The following PLCE1 variants were observed in gnomAD, a reference collection of about 807,000 sequenced individuals.
The protein encoded by PLCE1 is phospholipase C epsilon 1.
In PLCE1, 119 loss-of-function variants were observed where a neutral mutation model predicts 242.8. That is an observed-to-expected ratio of 0.49 (90% confidence interval 0.42 to 0.57). The LOEUF is 0.57. Ranked by LOEUF, PLCE1 falls within the 20% of genes least tolerant of loss-of-function variation. The probability of loss-of-function intolerance (pLI) is 0.00; values close to 1 mark genes in which losing one functional copy is unlikely to be tolerated. For missense variants in PLCE1, 2,441 were observed against 2,788.8 expected (o/e 0.88, Z 2.81); for synonymous variants, 945 against 1,017.4 (o/e 0.93, Z 1.35).
chr10:94,028,468 C>G (rs1041665529), intron 1 of PLCE1, among the ~76,000 whole-genome samples: 3 of 152,104 alleles, frequency 2.0e-5, no homozygotes, highest in Non-Finnish European at 4.4e-5. Context: ...GACTGATTCT[C>G]AGCAGTCATG....
intron 22 of PLCE1, among the ~76,000 whole-genome samples, chr10:94,286,020 G>A (rs1177375952): frequency 2.6e-5 from 4 of 152,142 alleles, no homozygotes; most frequent in Non-Finnish European, 5.9e-5. Context: ...ACTCAATTAT[G>A]TGTCCCACAA....
chr10:94,051,865 A>C (rs2043775029), intron 2 of PLCE1, among the ~76,000 whole-genome samples: 1 of 152,230 alleles, frequency 6.6e-6, no homozygotes, highest in Non-Finnish European at 1.5e-5. Flanking sequence ...TAAACTTAAA[A>C]TTATAAAAGT....
At chr10:94,113,911 G>A (rs903277162) in intron 2 of PLCE1, among the ~76,000 whole-genome samples, 21 of 152,132 alleles carry the variant, frequency 1.4e-4, no homozygotes, top group African/African-American at 5.1e-4. Flanking sequence ...CAGCAGATGG[G>A]CATCGTTGAA....
chr10:94,050,045 C>A (rs1018800934), intron 2 of PLCE1, among the ~76,000 whole-genome samples: 4 of 152,184 alleles, frequency 2.6e-5, no homozygotes, highest in Non-Finnish European at 5.9e-5. Flanking sequence ...CCGTTTGGGG[C>A]TTCTATGAAT....
At chr10:94,063,919 C>T (rs2044129578) in intron 2 of PLCE1, among the ~76,000 whole-genome samples, 1 of 151,842 alleles carries the variant, frequency 6.6e-6, no homozygotes, top group Non-Finnish European at 1.5e-5. Context: ...GCATGTTGCA[C>T]GTACAAAGGC....
At position 94,270,477 on chromosome 10, in the gene PLCE1, C is replaced by T. The variant is rs763087177; in HGVS notation, c.4390-9C>T. On this transcript the variant is annotated splice_polypyrimidine_tract_variant and intron_variant, in intron 17 of 32. Transcript: ENST00000371380. ...TCTGGACTCTAATGAGCTGTTTTGG[C>T]TCTCATAGGAAGTGGTTGAAGCCAT... The T allele has an allele frequency of 1.3e-6, 2 of 1,584,270 alleles. No homozygotes were observed. The highest frequency in any genetic ancestry group is 1.7e-6 in the Non-Finnish European group (2 of 1,153,086).
chr10:94,126,114 A>G (rs1299515706), intron 2 of PLCE1, among the ~76,000 whole-genome samples: 5 of 152,192 alleles, frequency 3.3e-5, no homozygotes, highest in African/African-American at 9.7e-5. Context: ...TGCCTTTTAA[A>G]GTGTTTATGC....
At chr10:94,246,725 ACCTGTG>A in intron 8 of PLCE1, 104 bp downstream of exon 8, 1 of 1,028,114 alleles carries the variant, frequency 9.7e-7, no homozygotes. Context: ...GACAGTTACT[ACCTGTG>A]GTGACCTTGG....
intron 2 of PLCE1, among the ~76,000 whole-genome samples, chr10:94,097,513 C>G (rs561510121): frequency 6.6e-6 from 1 of 152,150 alleles, no homozygotes; most frequent in African/African-American, 2.4e-5. Flanking sequence ...AGCCTCCTTC[C>G]CTTTGAGCTT....
At chr10:94,121,883 C>A (rs866615348) in intron 2 of PLCE1, among the ~76,000 whole-genome samples, 2 of 152,150 alleles carry the variant, frequency 1.3e-5, no homozygotes, top group Non-Finnish European at 2.9e-5. Context: ...GGTCCAGAAG[C>A]AATGACCAAG....
intron 4 of PLCE1, among the ~76,000 whole-genome samples, chr10:94,177,725 C>T (rs960102249): frequency 6.6e-6 from 1 of 152,226 alleles, no homozygotes; most frequent in Non-Finnish European, 1.5e-5. Context: ...TATGACCTTA[C>T]TTTTAAAAAA....
At position 94,199,029 on chromosome 10, in the gene PLCE1, G is replaced by A. The variant is rs1353872295; in HGVS notation, c.1809+27533G>A. 3.3e-5 allele frequency among the ~76,000 whole-genome samples: 5 copies of A among 152,208 alleles called. No individual in the cohort carries two copies. The South Asian group carries it at 6.2e-4, about 19-fold the overall frequency. ...GTCACACCACTACACTCCAGCCTGG[G>A]TGACAGTGAGACCCTGTCTCAAAAA... On this transcript the variant is annotated intron_variant, in intron 4 of 32. Transcript: ENST00000371380.
At chr10:94,129,538 G>T (rs1322117666) in intron 2 of PLCE1, among the ~76,000 whole-genome samples, 1 of 152,094 alleles carries the variant, frequency 6.6e-6, no homozygotes, top group African/African-American at 2.4e-5. Context: ...GGAAAAGCTG[G>T]ATAAGAGACT....
intron 17 of PLCE1, 91 bp downstream of exon 17, chr10:94,269,127 G>C (rs577791850): frequency 1.2e-5 from 8 of 644,374 alleles, no homozygotes; most frequent in Admixed American, 4.9e-5. Context: ...TTTGAGACGG[G>C]TTCTCGCTCT....
At chr10:94,220,381 T>TTC (rs1246949296) in intron 4 of PLCE1, among the ~76,000 whole-genome samples, 19 of 34,846 alleles carry the variant, frequency 5.5e-4, no homozygotes, top group African/African-American at 1.8e-3. Flanking sequence ...ACATTTTATA[T>TTC]ATATATATAT....
intron 3 of PLCE1, among the ~76,000 whole-genome samples, chr10:94,162,946 T>G (rs529271676): frequency 6.6e-6 from 1 of 152,342 alleles, no homozygotes; most frequent in South Asian, 2.1e-4. Context: ...GTTGTTCAGT[T>G]TCCATGTAGT....
chr10:94,158,595 G>T (rs1192398438), intron 3 of PLCE1, among the ~76,000 whole-genome samples: 1 of 151,940 alleles, frequency 6.6e-6, no homozygotes, highest in Admixed American at 6.6e-5. Flanking sequence ...TTACAAGATT[G>T]TTTATCACGG....
chr10:94,019,120 G>A lies in PLCE1; in HGVS notation c.-364-11563G>A, dbSNP rs2134350699. 2.6e-5 allele frequency among the ~76,000 whole-genome samples: 4 copies of A among 152,248 alleles called. 1 individual carries two copies. Among genetic ancestry groups the A allele is most frequent in the Admixed American group, 2.6e-4 (4 of 15,282 alleles). On this transcript the variant is annotated intron_variant, in intron 1 of 32. Coordinates refer to ENST00000371380, the MANE Select transcript of PLCE1 (RefSeq NM_016341.4). ...TGAGAAACTTATTTTTCCCCATTTT[G>A]CAGATATGAAAACTAAGCCTAGCAA...
Position 94,031,209 on chromosome 10 carries a change from T to C in PLCE1, c.163T>C (p.Ser55Pro). The C allele has an allele frequency of 6.2e-7, 1 of 1,613,794 alleles. No individual in the cohort carries two copies. Among genetic ancestry groups the C allele is most frequent in the Non-Finnish European group, 8.5e-7 (1 of 1,179,828 alleles). Residue 55 changes from serine (S) to proline (P), a missense_variant, in exon 2 of 33, where the codon TCA becomes CCA. Ser to Pro is a moderately conservative substitution (Grantham distance 74, BLOSUM62 -1). Around this residue, in one of 5 missense-constraint regions of PLCE1, gnomAD observed 393 missense variants for 378.5 expected, o/e 1.04. Coordinates refer to ENST00000371380, the MANE Select transcript of PLCE1 (RefSeq NM_016341.4). ...RRSGETSHTI[S>P]QLNKLKEEPS... ...AAGTGGGGAGACTTCTCATACCATC[T>C]CACAACTGAACAAACTTAAAGAAGA...
Sources: allele counts gnomAD v4.1 joint callset (sites outside exome capture counted in the v4.1 genomes callset), GRCh38; gene constraint gnomAD v4.1.1; regional missense constraint gnomAD v4.1.1; transcripts MANE v1.5; gene names NCBI Gene and HGNC (gene_info 2026-07-23, HGNC 2026-07-21).